Variants in CSGALNACT1 observed in about 807,000 individuals in gnomAD.
The protein encoded by CSGALNACT1 is beta4GalNAcT-1.
Under a neutral mutation model 51.0 loss-of-function variants are expected in CSGALNACT1, and 52 were observed. That is an observed-to-expected ratio of 1.02 (90% CI 0.82 to 1.29). The LOEUF is 1.29. Ranked by LOEUF, CSGALNACT1 falls within the 50% of genes most tolerant of loss-of-function variation. CSGALNACT1 has a pLI of 0.00. For synonymous variants in CSGALNACT1, 341 were observed against 254.4 expected (o/e 1.34, Z -3.24); for missense variants, 935 against 679.2 (o/e 1.38, Z -4.19).
chr8:19,420,602 C>T, intron 6 of CSGALNACT1, 84 bp from the exon 6 acceptor site: 1 of 1,386,452 alleles, frequency 7.2e-7, no homozygotes, highest in Non-Finnish European at 1.0e-6. Flanking sequence ...AGGGCCCATC[C>T]ACATCTTGAC....
At chr8:19,529,629 G>A (rs1166075284) in intron 3 of CSGALNACT1, among the ~76,000 whole-genome samples, 2 of 152,166 alleles carry the variant, frequency 1.3e-5, no homozygotes, top group African/African-American at 4.8e-5. Flanking sequence ...AAGGGAAAAT[G>A]TGTCTATTCA....
At chr8:19,660,450 C>A (rs1279528442) in intron 1 of CSGALNACT1, among the ~76,000 whole-genome samples, 1 of 152,174 alleles carries the variant, frequency 6.6e-6, no homozygotes, top group Non-Finnish European at 1.5e-5. Context: ...AACCCTGTAA[C>A]CTCTCTGTAA....
intron 1 of CSGALNACT1, among the ~76,000 whole-genome samples, chr8:19,667,013 A>G (rs866440757): frequency 0.097 from 3,925 of 40,532 alleles, 672 homozygotes; most frequent in East Asian, 0.23. Flanking sequence ...GAAAGAAAGA[A>G]AGAAAGGAAG....
intron 1 of CSGALNACT1, among the ~76,000 whole-genome samples, chr8:19,724,632 G>A (rs575929824): frequency 7.2e-5 from 11 of 152,306 alleles, no homozygotes; most frequent in East Asian, 1.9e-4. Flanking sequence ...GGACATGGCC[G>A]CCTTTGGGAG....
At chr8:19,675,420 C>A (rs922318845) in intron 1 of CSGALNACT1, among the ~76,000 whole-genome samples, 2 of 152,142 alleles carry the variant, frequency 1.3e-5, no homozygotes, top group African/African-American at 4.8e-5. Context: ...AAAAGGGATT[C>A]TTATGAATCA....
intron 4 of CSGALNACT1, among the ~76,000 whole-genome samples, chr8:19,496,173 C>T (rs1368033545): frequency 6.6e-6 from 1 of 152,112 alleles, no homozygotes; most frequent in African/African-American, 2.4e-5. Flanking sequence ...AATCCAAGGG[C>T]CCAACACTAC....
chr8:19,690,497 CCTAA>C (rs1375996916), intron 1 of CSGALNACT1, among the ~76,000 whole-genome samples: 1 of 152,182 alleles, frequency 6.6e-6, no homozygotes, highest in East Asian at 1.9e-4. Context: ...TCATCTTTCT[CCTAA>C]CTCAGAGTTT....
intron 1 of CSGALNACT1, among the ~76,000 whole-genome samples, chr8:19,616,261 G>C (rs552201737): frequency 6.6e-6 from 1 of 152,234 alleles, no homozygotes; most frequent in Non-Finnish European, 1.5e-5. Context: ...TATGCTACTT[G>C]TTGCTATTTT....
At chr8:19,445,805 C>A (rs1441474033) in intron 5 of CSGALNACT1, among the ~76,000 whole-genome samples, 1 of 152,136 alleles carries the variant, frequency 6.6e-6, no homozygotes, top group African/African-American at 2.4e-5. Flanking sequence ...ACTCCATCCA[C>A]TGGAAAGGTG....
chr8:19,558,082 C>A (rs938866827), intron 3 of CSGALNACT1, among the ~76,000 whole-genome samples: 4 of 152,212 alleles, frequency 2.6e-5, no homozygotes, highest in Non-Finnish European at 5.9e-5. Flanking sequence ...TACTGCATGG[C>A]TGCTTTTGTC....
chr8:19,546,960 C>T (rs1182449869), intron 3 of CSGALNACT1, among the ~76,000 whole-genome samples: 3 of 152,210 alleles, frequency 2.0e-5, no homozygotes, highest in Non-Finnish European at 4.4e-5. Context: ...CTGAGAGTAG[C>T]TGAATCATCC....
At position 19,457,676 on chromosome 8, in the gene CSGALNACT1, C is replaced by G. The variant is rs547216761; in HGVS notation, c.851+750G>C. 6 of 1,300,346 alleles carry G rather than the reference C, an allele frequency of 4.6e-6. No homozygotes were observed. The East Asian group carries it at 2.6e-4, about 57-fold the overall frequency. The allele number at this position is 1,300,346 out of a possible 1,614,324, so 80.6% of individuals were successfully genotyped here. On this transcript the variant is annotated intron_variant, in intron 5 of 9. Transcript: ENST00000454498. ...ATTTATAATTAGACAGTAGGATTTT[C>G]TATGTTTAAAACAAGCTGGTGAAAT... is the stretch of plus-strand genomic sequence containing the variant.
intron 3 of CSGALNACT1, among the ~76,000 whole-genome samples, chr8:19,543,121 GT>G (rs1221601641): frequency 6.6e-6 from 1 of 152,118 alleles, no homozygotes; most frequent in East Asian, 1.9e-4. Context: ...GGCTCACGGA[GT>G]TTTCAAAACT....
chr8:19,440,680 C>T (rs534463374), intron 5 of CSGALNACT1, among the ~76,000 whole-genome samples: 1 of 152,020 alleles, frequency 6.6e-6, no homozygotes, highest in Admixed American at 6.5e-5. Flanking sequence ...CCCTCTCTCA[C>T]CACTCCTATT....
intron 3 of CSGALNACT1, among the ~76,000 whole-genome samples, chr8:19,518,058 C>T (rs2079909428): frequency 6.6e-6 from 1 of 152,166 alleles, no homozygotes; most frequent in South Asian, 2.1e-4. Context: ...TAGCATCACA[C>T]AGCTTCTAGA....
chr8:19,460,225 T>C (rs1437314805), intron 4 of CSGALNACT1, among the ~76,000 whole-genome samples: 2 of 152,150 alleles, frequency 1.3e-5, no homozygotes, highest in Non-Finnish European at 2.9e-5. Flanking sequence ...TGAAGTACAA[T>C]ACCTTTTGAG....
rs2061869397 is a variant in CSGALNACT1 at position 19,701,364 on chromosome 8, G to A, written c.-297+56486C>T. The stretch of plus-strand genomic sequence containing the variant: ...ACAAGGGGTTTCACCATGTTGGCCA[G>A]GCTGGCCTCAAACTCCTGACCTTGA... On this transcript the variant is annotated intron_variant, in intron 1 of 1. Coordinates refer to the CSGALNACT1 transcript ENST00000517494. Among the ~76,000 whole-genome samples, 3 of 151,148 alleles carry A rather than the reference G, an allele frequency of 2.0e-5. No individual in the cohort carries two copies. The South Asian group carries it at 6.2e-4, about 31-fold the overall frequency.
chr8:19,481,205 G>A (rs2071288941), intron 4 of CSGALNACT1, among the ~76,000 whole-genome samples: 1 of 151,942 alleles, frequency 6.6e-6, no homozygotes, highest in South Asian at 2.1e-4. Flanking sequence ...TTGCCACCGT[G>A]CCAGTCTTCT....
At chr8:19,698,455 A>C (rs1157188312) in intron 1 of CSGALNACT1, among the ~76,000 whole-genome samples, 1 of 152,244 alleles carries the variant, frequency 6.6e-6, no homozygotes, top group Non-Finnish European at 1.5e-5. Flanking sequence ...ATTAATACCC[A>C]TAACAATTGT....
Sources: allele counts gnomAD v4.1 joint callset (sites outside exome capture counted in the v4.1 genomes callset), GRCh38; gene constraint gnomAD v4.1.1; transcripts MANE v1.5; gene names NCBI Gene and HGNC (gene_info 2026-07-23, HGNC 2026-07-21).